Variants in SORCS2 observed in about 807,000 individuals in gnomAD.
The protein encoded by SORCS2 is VPS10 domain-containing receptor SorCS2.
In SORCS2, 100 loss-of-function variants were observed where a neutral mutation model predicts 141.6. That is an observed-to-expected ratio of 0.71 (90% confidence interval 0.60 to 0.83). The LOEUF (loss-of-function observed/expected upper bound fraction) is 0.83. Among genes scored for constraint, SORCS2 ranks in the 40% least tolerant of loss-of-function variants. The pLI is 0.00. For missense variants in SORCS2, 1,646 were observed against 1,560.2 expected (o/e 1.05, Z -0.93); for synonymous variants, 789 against 676.9 (o/e 1.17, Z -2.57).
rs1355953368 is a variant in SORCS2, at chr4:7,632,670, A to G, written c.649-5658A>G. On this transcript the variant is annotated intron_variant, in intron 3 of 26. Coordinates refer to ENST00000507866, the MANE Select transcript of SORCS2 (RefSeq NM_020777.3). ...CCGCAGAAAGGGCCTGTGATGGAGA[A>G]GCAAGCCCTGTACCCAGAGCCCCCC... is the stretch of plus-strand genomic sequence containing the variant. Among the ~76,000 whole-genome samples, 3 of 152,344 alleles carry G rather than the reference A, an allele frequency of 2.0e-5. No homozygotes were observed. The East Asian group carries it at 5.8e-4, about 29-fold the overall frequency.
At chr4:7,683,475 C>G (rs1371058641) in intron 10 of SORCS2, among the ~76,000 whole-genome samples, 6 of 152,236 alleles carry the variant, frequency 3.9e-5, no homozygotes. Flanking sequence ...AGGCTGGTCT[C>G]TGCTCTGCAC....
Position 7,526,761 on chromosome 4 carries a change from TG to T in SORCS2, c.549-4765del, listed in dbSNP as rs530981493. ...GCTGACGGTGGGGGCCGAAGGTGTA[TG>T]GGGATGCTCTCATTTCTACTCCATT... On this transcript the variant is annotated intron_variant, in intron 2 of 26. Transcript: ENST00000507866. Among the ~76,000 whole-genome samples, 65 of 152,228 alleles carry T rather than the reference TG, an allele frequency of 4.3e-4. No homozygotes were observed. In the South Asian group the frequency reaches 0.012, roughly 27 times the overall value.
At chr4:7,375,823 G>T (rs893079458) in intron 1 of SORCS2, among the ~76,000 whole-genome samples, 2 of 152,226 alleles carry the variant, frequency 1.3e-5, no homozygotes, top group African/African-American at 4.8e-5. Context: ...TCTGGGGTTT[G>T]TGTCGAGTGC....
At chr4:7,446,672 G>T (rs2109275035) in intron 2 of SORCS2, among the ~76,000 whole-genome samples, 1 of 152,258 alleles carries the variant, frequency 6.6e-6, no homozygotes, top group South Asian at 2.1e-4. Flanking sequence ...TGAGTGCAGG[G>T]GCCATGCTTC....
At chr4:7,480,439 G>C (rs71645802) in intron 2 of SORCS2, among the ~76,000 whole-genome samples, 11,391 of 152,240 alleles carry the variant, frequency 0.075, 684 homozygotes, top group South Asian at 0.25. Flanking sequence ...TACAGCCCGG[G>C]GGGTTGGAGG....
chr4:7,330,818 G>C (rs1719609233), intron 1 of SORCS2, among the ~76,000 whole-genome samples: 1 of 151,816 alleles, frequency 6.6e-6, no homozygotes, highest in Non-Finnish European at 1.5e-5. Context: ...GCAAGCTAGG[G>C]TGCCCCCTAG....
At chr4:7,381,255 G>C (rs1722978771) in intron 1 of SORCS2, among the ~76,000 whole-genome samples, 1 of 152,212 alleles carries the variant, frequency 6.6e-6, no homozygotes, top group Non-Finnish European at 1.5e-5. Flanking sequence ...TCTTTGGAGG[G>C]GATGGCCGCT....
In SORCS2 at chr4:7,726,866, C is replaced by T. The variant is rs762988035; in HGVS notation, c.2832C>T (p.Asn944=). Residue 944 remains asparagine (N), a synonymous_variant, in exon 21 of 27, where the codon AAC becomes AAT. Transcript: ENST00000507866. ...TGACGGTGCAGGCCGCCTGTGGGAACTCGGTGCTGCAGGACTCCAGGGTCC... is the reference window on the plus strand; with the variant it reads ...TGACGGTGCAGGCCGCCTGTGGGAATTCGGTGCTGCAGGACTCCAGGGTCC... ...VRVTVQAACG[N]SVLQDSRVLR... is the part of the protein sequence containing the mutation. 1 of 1,613,796 alleles carries T rather than the reference C, an allele frequency of 6.2e-7. No individual in the cohort carries two copies. The highest frequency in any genetic ancestry group is 2.2e-5 in the East Asian group (1 of 44,864).
chr4:7,639,683 G>A (rs1462880541), intron 4 of SORCS2, among the ~76,000 whole-genome samples: 1 of 150,284 alleles, frequency 6.7e-6, no homozygotes, highest in African/African-American at 2.5e-5. Context: ...GTGAGTGTGA[G>A]GGTGTGGGTG....
chr4:7,706,026 T>C (rs7681781), intron 14 of SORCS2, among the ~76,000 whole-genome samples: 91,544 of 112,172 alleles, frequency 0.82, 37,168 homozygotes, highest in South Asian at 0.94. Context: ...GGCTGGGCTC[T>C]GTCTGGGCAG....
Position 7,697,202 on chromosome 4 carries a change from C to T in SORCS2, c.1596C>T (p.Asn532=), listed in dbSNP as rs201458759. 36 of 1,580,338 alleles carry T rather than the reference C, an allele frequency of 2.3e-5. 1 individual carries two copies. In the African/African-American group the frequency reaches 3.9e-4, roughly 17 times the overall value. ...TAPGLIMGAG[N]LGSQLVEYKE... ...GCCCCTTTTCTTTTGGACCAGGTAA[C>T]CTGGGCTCACAGCTGGTGGAATATA... Residue 532 remains asparagine (N), a synonymous_variant, in exon 12 of 27, where the codon AAC becomes AAT. Coordinates refer to ENST00000507866, the MANE Select transcript of SORCS2 (RefSeq NM_020777.3).
chr4:7,312,472 T>G (rs768080439), intron 1 of SORCS2, among the ~76,000 whole-genome samples: 3 of 147,808 alleles, frequency 2.0e-5, no homozygotes, highest in African/African-American at 7.3e-5. Flanking sequence ...CCCTTTCTGT[T>G]CTGTTTCTCA....
chr4:7,355,027 A>G (rs1553847342), intron 1 of SORCS2, among the ~76,000 whole-genome samples: 1 of 151,888 alleles, frequency 6.6e-6, no homozygotes, highest in Non-Finnish European at 1.5e-5. Flanking sequence ...ACAGAAAAAA[A>G]AACACCCCAC....
chr4:7,607,090 T>TA (rs1285687504), intron 3 of SORCS2, among the ~76,000 whole-genome samples: 2 of 152,222 alleles, frequency 1.3e-5, no homozygotes, highest in Admixed American at 6.5e-5. Context: ...TTTGCCGACA[T>TA]AAAACCCTGA....
At position 7,729,605 on chromosome 4, in the gene SORCS2, G is replaced by A; in HGVS notation, c.3001G>A (p.Glu1001Lys). ...CCCGCAGGAGACCAGCGTCCCTCAG[G>A]AGCTTCTGGTGACTGTGGTGAAGCC... ...LLSKETSVPQ[E>K]LLVTVVKPGL... is the part of the protein sequence containing the mutation. The change falls in exon 23 of 27, where the codon GAG (glutamate) becomes AAG (lysine). Residue 1001 changes from glutamate (E) to lysine (K), a missense_variant. Physicochemically the swap from Glu to Lys is moderately conservative, Grantham distance 56. Coordinates refer to ENST00000507866, the MANE Select transcript of SORCS2 (RefSeq NM_020777.3). 1 of 1,588,220 alleles carries A rather than the reference G, an allele frequency of 6.3e-7. No homozygotes were observed. The highest frequency in any genetic ancestry group is 8.6e-7 in the Non-Finnish European group (1 of 1,167,498).
At position 7,233,241 on chromosome 4, in the gene SORCS2, G is replaced by C. The variant is rs1712031107; in HGVS notation, c.480+40115G>C. Reference sequence around the variant, plus strand: ...GCAGGGGGAGGCGTCGGCCAGCCCTGAGAACTAGGAAGGGTGGTGTGGGAC... The same window carrying C: ...GCAGGGGGAGGCGTCGGCCAGCCCTCAGAACTAGGAAGGGTGGTGTGGGAC... On this transcript the variant is annotated intron_variant, in intron 1 of 26. Coordinates refer to ENST00000507866, the MANE Select transcript of SORCS2 (RefSeq NM_020777.3). The surrounding 1 kb of genome is among the most constrained non-coding windows in gnomAD (Gnocchi z 4.5). Among the ~76,000 whole-genome samples, 1 of 152,162 alleles carries C rather than the reference G, an allele frequency of 6.6e-6. No homozygotes were observed. The highest frequency in any genetic ancestry group is 1.9e-4 in the East Asian group (1 of 5,188).
chr4:7,341,404 G>A (rs888930386), intron 1 of SORCS2, among the ~76,000 whole-genome samples: 9 of 152,204 alleles, frequency 5.9e-5, no homozygotes, highest in Non-Finnish European at 1.5e-5. Context: ...TGAACCCTGC[G>A]GGGCTTTGTC....
intron 1 of SORCS2, among the ~76,000 whole-genome samples, chr4:7,284,161 C>T (rs1338067281): frequency 5.3e-5 from 8 of 152,126 alleles, no homozygotes; most frequent in Admixed American, 6.5e-5. Context: ...CACTCAAGCA[C>T]GAAGCTCCTT....
chr4:7,323,668 A>G (rs1047539800), intron 1 of SORCS2, among the ~76,000 whole-genome samples: 4 of 152,098 alleles, frequency 2.6e-5, no homozygotes, highest in Non-Finnish European at 5.9e-5. Context: ...GGCTAGGGGT[A>G]GAGGGTGGCG....
Sources: allele counts gnomAD v4.1 joint callset (sites outside exome capture counted in the v4.1 genomes callset), GRCh38; gene constraint gnomAD v4.1.1; non-coding constraint Gnocchi (gnomAD v3.1); transcripts MANE v1.5; gene names NCBI Gene and HGNC (gene_info 2026-07-23, HGNC 2026-07-21).